CLVS1: variants seen among roughly 807,000 people sequenced by gnomAD.
CLVS1 encodes the protein clavesin-1.
A neutral mutation model predicts 33.1 loss-of-function variants in CLVS1; 10 were observed. The ratio of observed to expected loss-of-function variants is 0.30; its 90% confidence interval spans 0.19 to 0.51. The LOEUF (loss-of-function observed/expected upper bound fraction) is 0.51. Among genes scored for constraint, CLVS1 ranks in the 20% least tolerant of loss-of-function variants. The pLI is 0.97. For missense variants in CLVS1, 343 were observed against 433.4 expected (o/e 0.79, Z 1.85); for synonymous variants, 163 against 166.1 (o/e 0.98, Z 0.14).
chr8:60,980,851 T>C, the CLVS1 span, among the ~76,000 whole-genome samples: 2 of 152,144 alleles, frequency 1.3e-5, no homozygotes, highest in African/African-American at 4.8e-5. Flanking sequence ...GATGAGATCA[T>C]CCTTTTGATG....
At chr8:61,009,616 G>A in the CLVS1 span, among the ~76,000 whole-genome samples, 1 of 152,010 alleles carries the variant, frequency 6.6e-6, no homozygotes, top group Non-Finnish European at 1.5e-5. Context: ...TGCCAATTGT[G>A]TTTTTCTTAT....
intron 2 of CLVS1, among the ~76,000 whole-genome samples, chr8:61,351,554 T>G (rs573187821): frequency 6.6e-6 from 1 of 151,942 alleles, no homozygotes; most frequent in South Asian, 2.1e-4. Context: ...ACTTCCCAAA[T>G]TTGGTTAAAA....
At chr8:61,202,350 G>A (rs542455852) in intron 2 of CLVS1, 50 of 737,058 alleles carry the variant, frequency 6.8e-5, no homozygotes, top group African/African-American at 2.6e-4. Context: ...GCTGCCTCCC[G>A]ATGGAAGATC....
the CLVS1 span, among the ~76,000 whole-genome samples, chr8:61,050,042 G>A: frequency 9.8e-5 from 15 of 152,316 alleles, no homozygotes; most frequent in African/African-American, 2.2e-4. Flanking sequence ...TGCTGAATGC[G>A]CACTGGACTT....
chr8:61,249,967 AT>A (rs1808899069), intron 2 of CLVS1, among the ~76,000 whole-genome samples: 1 of 152,008 alleles, frequency 6.6e-6, no homozygotes, highest in Admixed American at 6.6e-5. Context: ...TGTTTTTGGT[AT>A]TTTAGACATG....
intron 3 of CLVS1, among the ~76,000 whole-genome samples, chr8:61,389,841 A>G (rs192630320): frequency 5.0e-4 from 76 of 152,372 alleles, no homozygotes; most frequent in Admixed American, 1.2e-3. Context: ...TGTACAGCTT[A>G]AGAGATAAAC....
At chr8:61,350,370 T>A (rs1812404568) in intron 2 of CLVS1, among the ~76,000 whole-genome samples, 1 of 152,176 alleles carries the variant, frequency 6.6e-6, no homozygotes, top group South Asian at 2.1e-4. Flanking sequence ...ATTCTCTCTA[T>A]CTCCCAAGTG....
intron 2 of CLVS1, among the ~76,000 whole-genome samples, chr8:61,376,036 C>T (rs1333840969): frequency 1.3e-5 from 2 of 152,186 alleles, no homozygotes; most frequent in East Asian, 3.8e-4. Context: ...ATAAGTCATA[C>T]TTCCTGTTTT....
intron 2 of CLVS1, among the ~76,000 whole-genome samples, chr8:61,303,135 A>G (rs1045657611): frequency 3.3e-5 from 5 of 152,324 alleles, no homozygotes; most frequent in African/African-American, 1.2e-4. Context: ...TCAGTGTTCT[A>G]GAACTTCCAT....
At chr8:61,179,793 A>G (rs1243963874) in intron 2 of CLVS1, among the ~76,000 whole-genome samples, 3 of 152,242 alleles carry the variant, frequency 2.0e-5, no homozygotes, top group East Asian at 1.9e-4. Context: ...TTGGAAACCA[A>G]TGAGAACAAA....
chr8:61,454,021 TG>T (rs1343083870), intron 3 of CLVS1, 119 bp from the exon 4 acceptor site: 1 of 733,478 alleles, frequency 1.4e-6, no homozygotes, highest in East Asian at 2.4e-5. Flanking sequence ...CTCCTCATCC[TG>T]AAGCTAGAGC....
chr8:61,056,721 C>T (rs1350746041), upstream of CLVS1, among the ~76,000 whole-genome samples: 1 of 152,198 alleles, frequency 6.6e-6, no homozygotes. Flanking sequence ...CTTATTTAAC[C>T]TTCCTCAGGT....
intron 3 of CLVS1, among the ~76,000 whole-genome samples, chr8:61,414,400 G>A (rs538691260): frequency 7.2e-5 from 9 of 124,212 alleles, no homozygotes; most frequent in South Asian, 5.3e-4. Flanking sequence ...GGAATTTACC[G>A]AAATTGTTTT....
chr8:61,285,729 C>T (rs1006463462), upstream of CLVS1, among the ~76,000 whole-genome samples: 3 of 152,118 alleles, frequency 2.0e-5, no homozygotes, highest in Non-Finnish European at 4.4e-5. Context: ...ACTCTATCCA[C>T]GTGAGGGTGC....
intron 1 of CLVS1, among the ~76,000 whole-genome samples, chr8:61,084,545 C>A (rs1372082042): frequency 6.6e-6 from 1 of 152,148 alleles, no homozygotes; most frequent in Non-Finnish European, 1.5e-5. Flanking sequence ...TAGCTCCTCA[C>A]AACAAAGATT....
chr8:61,090,438 T>C (rs1312870609), intron 1 of CLVS1, among the ~76,000 whole-genome samples: 4 of 151,770 alleles, frequency 2.6e-5, no homozygotes, highest in South Asian at 2.1e-4. Context: ...CAAGAGAGGA[T>C]AGAAGGAAAG....
rs561988793 is a variant in CLVS1, at chr8:61,126,168, A to T, written c.-242-5602A>T. Among the ~76,000 whole-genome samples, 9 of 152,170 alleles carry T rather than the reference A, an allele frequency of 5.9e-5. No homozygotes were observed. In the East Asian group the frequency reaches 1.7e-3, roughly 29 times the overall value. ...ATTCTCACTTCTCTCTTCTCTTTAC[A>T]CACATATGCACACACACACATGCAT... On this transcript the variant is annotated intron_variant, in intron 1 of 2. Coordinates refer to the CLVS1 transcript ENST00000522621.
At chr8:60,997,614 C>G in the CLVS1 span, among the ~76,000 whole-genome samples, 1 of 152,182 alleles carries the variant, frequency 6.6e-6, no homozygotes, top group East Asian at 1.9e-4. Context: ...GTCATGAACT[C>G]TCCTATGTCG....
intron 2 of CLVS1, among the ~76,000 whole-genome samples, chr8:61,269,032 T>C (rs1809374506): frequency 6.9e-6 from 1 of 145,952 alleles, no homozygotes. Context: ...TTAGATCCCA[T>C]TTGTCAATTT....
Sources: allele counts gnomAD v4.1 joint callset (sites outside exome capture counted in the v4.1 genomes callset), GRCh38; gene constraint gnomAD v4.1.1; transcripts MANE v1.5; gene names NCBI Gene and HGNC (gene_info 2026-07-23, HGNC 2026-07-21).